UGGT1: variants seen among roughly 807,000 people sequenced by gnomAD.
UGGT1 encodes UDP-glucose glycoprotein glucosyltransferase 1, also known as UDP-glucose:glycoprotein glucosyltransferase 1.
Under a neutral mutation model 203.9 loss-of-function variants are expected in UGGT1, and 107 were observed. That is an observed-to-expected ratio of 0.52 (90% CI 0.45 to 0.62). The LOEUF (loss-of-function observed/expected upper bound fraction) is 0.62. Among genes scored for constraint, UGGT1 ranks in the 20% least tolerant of loss-of-function variants. The pLI is 0.00. For missense variants in UGGT1, 1,673 were observed against 1,867.2 expected (o/e 0.90, Z 1.92); for synonymous variants, 628 against 653.5 (o/e 0.96, Z 0.59).
rs529294488 is a variant in UGGT1, at chr2:128,146,169, G to A, written c.2016+202G>A. Among the ~76,000 whole-genome samples, 3 of 152,198 alleles carry A rather than the reference G, an allele frequency of 2.0e-5. No homozygotes were observed. In the East Asian group the frequency reaches 5.8e-4, roughly 29 times the overall value. On this transcript the variant is annotated intron_variant, in intron 18 of 40. Coordinates refer to ENST00000259253, the MANE Select transcript of UGGT1 (RefSeq NM_020120.4). ...AAAAAAGAAATTAAAAAATTAGCTA[G>A]GCTTGGTGGTGCACGCCTGTAGTCC...
At chr2:128,107,871 A>G (rs1558755025) in intron 3 of UGGT1, 67 bp from the exon 4 acceptor site, 8 of 1,599,810 alleles carry the variant, frequency 5.0e-6, no homozygotes, top group Non-Finnish European at 6.0e-6. Context: ...TTTGTGCTTC[A>G]TGAACTATCT....
At position 128,178,458 on chromosome 2, in the gene UGGT1, A is replaced by G; in HGVS notation, c.3714-10A>G. 6.2e-7 allele frequency: 1 copy of G among 1,602,404 alleles called. No individual in the cohort carries two copies. Among genetic ancestry groups the G allele is most frequent in the Non-Finnish European group, 8.5e-7 (1 of 1,175,740 alleles). On this transcript the variant is annotated splice_polypyrimidine_tract_variant and intron_variant, in intron 33 of 40. Coordinates refer to ENST00000259253, the MANE Select transcript of UGGT1 (RefSeq NM_020120.4). Reference sequence around the variant, plus strand: ...TTCAAGTGGTCTTTTTTTTACCCTTATTGTTATAGGGGCTTTACAGGACAG... The same window carrying G: ...TTCAAGTGGTCTTTTTTTTACCCTTGTTGTTATAGGGGCTTTACAGGACAG...
At chr2:128,116,680 A>G (rs1342953554) in intron 8 of UGGT1, among the ~76,000 whole-genome samples, 1 of 151,822 alleles carries the variant, frequency 6.6e-6, no homozygotes, top group Non-Finnish European at 1.5e-5. Context: ...ATGCACCACC[A>G]CACCCGGCTA....
chr2:128,153,916 A>T (rs943197652), intron 19 of UGGT1, among the ~76,000 whole-genome samples: 1 of 152,238 alleles, frequency 6.6e-6, no homozygotes, highest in Non-Finnish European at 1.5e-5. Context: ...AGATGTGTGT[A>T]ATGAAGTCAT....
At chr2:128,138,580 G>C (rs1689256614) in intron 15 of UGGT1, 137 bp from the exon 16 acceptor site, 8 of 956,026 alleles carry the variant, frequency 8.4e-6, no homozygotes, top group Non-Finnish European at 1.2e-5. Flanking sequence ...GAGTAGAGTA[G>C]GCTGTGAACT....
At chr2:128,157,200 C>A in intron 21 of UGGT1, 52 bp from the exon 22 acceptor site, 1 of 1,284,970 alleles carries the variant, frequency 7.8e-7, no homozygotes, top group Non-Finnish European at 1.1e-6. Flanking sequence ...TGTTGAAACA[C>A]AGAATGTGCT....
intron 20 of UGGT1, among the ~76,000 whole-genome samples, chr2:128,156,115 G>A (rs1465714431): frequency 6.6e-6 from 1 of 152,178 alleles, no homozygotes; most frequent in Non-Finnish European, 1.5e-5. Flanking sequence ...TTTTAAGTCA[G>A]CTATTTTTAC....
intron 23 of UGGT1, 67 bp from the exon 24 acceptor site, chr2:128,160,392 TG>T (rs1690466248): frequency 6.8e-7 from 1 of 1,468,314 alleles, no homozygotes; most frequent in African/African-American, 1.4e-5. Flanking sequence ...GTTTATTCAC[TG>T]TGTTTATTTG....
rs765466023 is a variant in UGGT1, at chr2:128,098,846, T to TAA, written c.194+1282_194+1283insAA. 2.7e-4 allele frequency among the ~76,000 whole-genome samples: 30 copies of TAA among 112,454 alleles called. 1 individual carries two copies. Among genetic ancestry groups the TAA allele is most frequent in the African/African-American group, 8.3e-4 (27 of 32,614 alleles). 73.8% of individuals were successfully genotyped at this position (112,454 alleles called of 152,430 possible). On this transcript the variant is annotated intron_variant, in intron 2 of 40. Transcript: ENST00000259253. ...TCTTAAAATTAGTGAAACATAGTAA[T>TAA]TTCATGAGAAATTTTGTATTCCAAG...
At position 128,180,778 on chromosome 2, in the gene UGGT1, T is replaced by C. The variant is rs1471448751; in HGVS notation, c.3901-112T>C. On this transcript the variant is annotated intron_variant, in intron 35 of 40. Transcript: ENST00000259253. Reference sequence around the variant, plus strand: ...ACGGCCGGTCTTTGTAAGACCACTGTTTTGGTAAATGTGTTTTATTTGTCC... The same window carrying C: ...ACGGCCGGTCTTTGTAAGACCACTGCTTTGGTAAATGTGTTTTATTTGTCC... 5.2e-6 allele frequency: 6 copies of C among 1,143,022 alleles called. No individual in the cohort carries two copies. The East Asian group carries it at 1.5e-4, about 29-fold the overall frequency. The allele number at this position is 1,143,022 out of a possible 1,614,324, so 70.8% of individuals were successfully genotyped here.
At chr2:128,169,143 G>C (rs561278898) in intron 26 of UGGT1, among the ~76,000 whole-genome samples, 2 of 149,334 alleles carry the variant, frequency 1.3e-5, no homozygotes, top group East Asian at 4.0e-4. Flanking sequence ...AGCCAAGGCA[G>C]GAGGATCACT....
intron 2 of UGGT1, among the ~76,000 whole-genome samples, chr2:128,102,482 T>G (rs1687425252): frequency 6.6e-6 from 1 of 152,044 alleles, no homozygotes; most frequent in South Asian, 2.1e-4. Context: ...ATAAGTATTA[T>G]ATAAGAAGCT....
At chr2:128,162,532 G>A (rs1156593558) in intron 25 of UGGT1, among the ~76,000 whole-genome samples, 1 of 152,068 alleles carries the variant, frequency 6.6e-6, no homozygotes. Context: ...TTGGATAGCT[G>A]TCAAAGTCAG....
Position 128,157,313 on chromosome 2 carries a change from A to G in UGGT1, c.2322A>G (p.Gly774=). Reference sequence around the variant, plus strand: ...TTGGGGATTTTGATAGCCCTTCTGGACGGCAGTTACTGTATGATGCCATCA... The same window carrying G: ...TTGGGGATTTTGATAGCCCTTCTGGGCGGCAGTTACTGTATGATGCCATCA... ...WIVGDFDSPS[G]RQLLYDAIKH... The change falls in exon 22 of 41, where the codon GGA becomes GGG. Residue 774 remains glycine, a synonymous_variant. Coordinates refer to ENST00000259253, the MANE Select transcript of UGGT1 (RefSeq NM_020120.4). 3 of 1,614,118 alleles carry G rather than the reference A, an allele frequency of 1.9e-6. No homozygotes were observed. The highest frequency in any genetic ancestry group is 2.2e-5 in the South Asian group (2 of 91,080).
At chr2:128,136,710 T>G (rs945338480) in intron 15 of UGGT1, among the ~76,000 whole-genome samples, 4 of 152,238 alleles carry the variant, frequency 2.6e-5, no homozygotes, top group Admixed American at 2.6e-4. Context: ...GTCTACAGCT[T>G]CTTCGGGTAA....
chr2:128,189,658 G>T (rs935877065), intron 40 of UGGT1, 59 bp from the exon 41 acceptor site: 1 of 1,570,342 alleles, frequency 6.4e-7, no homozygotes, highest in African/African-American at 1.3e-5. Flanking sequence ...TGCCCACTCA[G>T]TGGTGTTTGT....
chr2:128,101,683 G>C (rs1687379162), intron 2 of UGGT1, among the ~76,000 whole-genome samples: 1 of 152,128 alleles, frequency 6.6e-6, no homozygotes. Context: ...CTGAATGGCA[G>C]CTTCTTTATT....
At chr2:128,131,418 G>T (rs1460492204) in intron 13 of UGGT1, among the ~76,000 whole-genome samples, 1 of 152,106 alleles carries the variant, frequency 6.6e-6, no homozygotes, top group Non-Finnish European at 1.5e-5. Flanking sequence ...GCTCACCACA[G>T]CCTTAAACTC....
chr2:128,176,775 A>G (rs1256792006), intron 31 of UGGT1, 39 bp from the exon 32 acceptor site: 1 of 1,585,030 alleles, frequency 6.3e-7, no homozygotes, highest in South Asian at 1.1e-5. Context: ...CCTTTTGAGA[A>G]TTGTGCCTTG....
Sources: allele counts gnomAD v4.1 joint callset (sites outside exome capture counted in the v4.1 genomes callset), GRCh38; gene constraint gnomAD v4.1.1; transcripts MANE v1.5; gene names NCBI Gene and HGNC (gene_info 2026-07-23, HGNC 2026-07-21).